Variants in FRMD5 observed in about 807,000 individuals in gnomAD.
FRMD5 encodes FERM domain-containing protein 5.
FRMD5 carries 20 observed loss-of-function variants against 69.0 expected under a neutral mutation model. That is an observed-to-expected ratio of 0.29 (90% CI 0.20 to 0.42). The LOEUF is 0.42. Ranked by LOEUF, FRMD5 falls within the 10% of genes least tolerant of loss-of-function variation. The pLI, the probability that FRMD5 is intolerant of heterozygous loss-of-function variation, is 1.00. For missense variants in FRMD5, 595 were observed against 708.6 expected, an observed-to-expected ratio of 0.84 and a Z score of 1.82; for synonymous variants, 271 against 260.1, an observed-to-expected ratio of 1.04 and a Z score of -0.40.
intron 1 of FRMD5, among the ~76,000 whole-genome samples, chr15:44,108,601 C>T (rs1015716660): frequency 3.9e-5 from 6 of 152,092 alleles, no homozygotes; most frequent in Admixed American, 6.6e-5. Flanking sequence ...GCCGAGATCA[C>T]GCCATTGCAC....
intron 5 of FRMD5, among the ~76,000 whole-genome samples, chr15:43,909,158 G>C (rs536122831): frequency 2.7e-4 from 41 of 152,180 alleles, no homozygotes; most frequent in South Asian, 2.3e-3. Flanking sequence ...ACTTCGGGAG[G>C]CTGAGGCAGG....
chr15:43,944,583 C>T (rs117590965), intron 1 of FRMD5, among the ~76,000 whole-genome samples: 2,548 of 151,940 alleles, frequency 0.017, 30 homozygotes, highest in Non-Finnish European at 0.025. Flanking sequence ...GTGTGAGCCG[C>T]CACGACCAGC....
At chr15:43,975,800 T>A (rs939066319) in intron 1 of FRMD5, among the ~76,000 whole-genome samples, 1 of 152,076 alleles carries the variant, frequency 6.6e-6, no homozygotes, top group African/African-American at 2.4e-5. Context: ...AATAAAAGGA[T>A]CTAGAATATG....
At position 44,012,254 on chromosome 15, in the gene FRMD5, G is replaced by A. The variant is rs144631394; in HGVS notation, c.103-87945C>T. On this transcript the variant is annotated intron_variant, in intron 1 of 13. Coordinates refer to ENST00000417257, the MANE Select transcript of FRMD5 (RefSeq NM_032892.5). ...GGACTGCGGATAGAGAGGGCTGACT[G>A]TAAGTGCACCACTGAATAAATGACA... Among the ~76,000 whole-genome samples, 50 of 152,334 alleles carry A rather than the reference G, an allele frequency of 3.3e-4. 1 individual carries two copies. The highest frequency in any genetic ancestry group is 1.2e-3 in the African/African-American group (50 of 41,568).
At chr15:43,988,972 A>G (rs1229813995) in intron 1 of FRMD5, 26 of 660,858 alleles carry the variant, frequency 3.9e-5, no homozygotes, top group Middle Eastern at 4.8e-4. Flanking sequence ...ACAAAATAAA[A>G]AAAACAAAGT....
intron 1 of FRMD5, among the ~76,000 whole-genome samples, chr15:44,117,922 T>TAGA (rs1372145832): frequency 6.6e-6 from 1 of 152,060 alleles, no homozygotes; most frequent in African/African-American, 2.4e-5. Context: ...TTTAAAGGTT[T>TAGA]GCTTTGAGGA....
intron 1 of FRMD5, among the ~76,000 whole-genome samples, chr15:44,050,260 A>G (rs59121493): frequency 6.6e-6 from 1 of 152,380 alleles, no homozygotes; most frequent in African/African-American, 2.4e-5. Flanking sequence ...TTACATCTTT[A>G]GAATATTTCA....
intron 1 of FRMD5, among the ~76,000 whole-genome samples, chr15:44,050,661 T>G (rs1892623340): frequency 6.6e-6 from 1 of 150,822 alleles, no homozygotes; most frequent in Non-Finnish European, 1.5e-5. Context: ...CTGGCCTTTT[T>G]TTTTTTTCTT....
At chr15:44,077,205 C>A (rs1458483596) in intron 1 of FRMD5, among the ~76,000 whole-genome samples, 3 of 152,026 alleles carry the variant, frequency 2.0e-5, no homozygotes, top group Admixed American at 6.6e-5. Context: ...ACCTATCATG[C>A]CTTAATGTTC....
rs2088193571 is a variant in FRMD5, at chr15:43,872,704, A to AAT, written c.*1180_*1181insAT. 1 of 154,548 alleles carries AAT rather than the reference A, an allele frequency of 6.5e-6. No homozygotes were observed. Among genetic ancestry groups the AAT allele is most frequent in the African/African-American group, 2.4e-5 (1 of 40,924 alleles). 9.6% of individuals were successfully genotyped at this position (154,548 alleles called of 1,614,324 possible). A position where few individuals can be genotyped will look rare whatever the true frequency, so the allele number is the denominator to read the frequency against. On this transcript the variant is annotated 3_prime_UTR_variant, in exon 14 of 14. Coordinates refer to ENST00000417257, the MANE Select transcript of FRMD5 (RefSeq NM_032892.5). The stretch of plus-strand genomic sequence containing the variant: ...GGCATCTCTTAGAAATCTATTTTAA[A>AAT]AGATTCTTTTCCTGGTCCCTTCTAA...
chr15:43,873,657 C>A lies in FRMD5; in HGVS notation c.*228G>T. On this transcript the variant is annotated 3_prime_UTR_variant, in exon 14 of 14. Coordinates refer to ENST00000417257, the MANE Select transcript of FRMD5 (RefSeq NM_032892.5). Reference sequence around the variant, plus strand: ...TGAGAAACAGAGTCGCTGAGCCTTTCTTGAAATAACTTCTGAAGAAAATGA... The same window carrying A: ...TGAGAAACAGAGTCGCTGAGCCTTTATTGAAATAACTTCTGAAGAAAATGA... 4.1e-6 allele frequency: 6 copies of A among 1,472,076 alleles called. No individual in the cohort carries two copies. The highest frequency in any genetic ancestry group is 2.7e-5 in the East Asian group (1 of 37,718). 91.2% of individuals were successfully genotyped at this position (1,472,076 alleles called of 1,614,324 possible). A position where few individuals can be genotyped will look rare whatever the true frequency, so the allele number is the denominator to read the frequency against.
At chr15:44,181,664 T>A (rs1427961992) in intron 1 of FRMD5, among the ~76,000 whole-genome samples, 2 of 152,100 alleles carry the variant, frequency 1.3e-5, no homozygotes, top group African/African-American at 2.4e-5. Flanking sequence ...CACTTTGGGA[T>A]GTTGACGTGG....
chr15:43,912,590 A>G (rs1457097952), intron 4 of FRMD5, among the ~76,000 whole-genome samples: 1 of 151,926 alleles, frequency 6.6e-6, no homozygotes, highest in Non-Finnish European at 1.5e-5. Context: ...GACTGTACAT[A>G]TTGGACTAAA....
chr15:43,937,888 C>A (rs1259819316), intron 1 of FRMD5, among the ~76,000 whole-genome samples: 6 of 152,086 alleles, frequency 3.9e-5, no homozygotes, highest in Non-Finnish European at 7.4e-5. Context: ...CAACAGGACC[C>A]CTAGTGGGGA....
chr15:43,934,193 T>C lies in FRMD5; in HGVS notation c.103-9884A>G, dbSNP rs73404434. ...GTATAGGAAATATGCTCTGAGCATG[T>C]AGTTCCATGCCAAGGAGGCAAGTCC... On this transcript the variant is annotated intron_variant, in intron 1 of 13. Coordinates refer to ENST00000417257, the MANE Select transcript of FRMD5 (RefSeq NM_032892.5). Among the ~76,000 whole-genome samples the C allele has an allele frequency of 5.6e-3, 857 of 152,306 alleles. 7 individuals carry two copies. The highest frequency in any genetic ancestry group is 0.02 in the African/African-American group (833 of 41,556).
intron 1 of FRMD5, among the ~76,000 whole-genome samples, chr15:44,091,385 T>C (rs774430180): frequency 6.6e-6 from 1 of 152,076 alleles, no homozygotes; most frequent in Non-Finnish European, 1.5e-5. Context: ...CACACACATA[T>C]ATATCCTGTT....
At chr15:43,958,101 T>C (rs1226026764) in intron 1 of FRMD5, among the ~76,000 whole-genome samples, 1 of 152,230 alleles carries the variant, frequency 6.6e-6, no homozygotes, top group Non-Finnish European at 1.5e-5. Flanking sequence ...GTCTTATTTA[T>C]GATACAGTGT....
chr15:43,945,546 T>A (rs568225191), intron 1 of FRMD5, among the ~76,000 whole-genome samples: 7 of 152,294 alleles, frequency 4.6e-5, no homozygotes, highest in African/African-American at 1.7e-4. Flanking sequence ...AGGTCCTGGG[T>A]ACCTGAGCCT....
intron 1 of FRMD5, among the ~76,000 whole-genome samples, chr15:44,027,500 CA>C (rs1891479858): frequency 6.6e-6 from 1 of 152,160 alleles, no homozygotes; most frequent in South Asian, 2.1e-4. Flanking sequence ...GGATTCAGGT[CA>C]GGGGCAGCTT....
Sources: allele counts gnomAD v4.1 joint callset (sites outside exome capture counted in the v4.1 genomes callset), GRCh38; gene constraint gnomAD v4.1.1; transcripts MANE v1.5; gene names NCBI Gene and HGNC (gene_info 2026-07-23, HGNC 2026-07-21).